Variants in LSG1 observed in about 807,000 individuals in gnomAD.
LSG1 encodes the protein large 60S subunit nuclear export GTPase 1.
Under a neutral mutation model 82.6 loss-of-function variants are expected in LSG1, and 55 were observed. The observed-to-expected ratio is 0.67, with a 90% confidence interval of 0.54 to 0.83. The LOEUF (loss-of-function observed/expected upper bound fraction) is 0.83. LSG1 is among the 40% of genes least tolerant of loss of function. The pLI, the probability that LSG1 is intolerant of heterozygous loss-of-function variation, is 0.00. For synonymous variants in LSG1, 272 were observed against 282.5 expected (o/e 0.96, Z 0.37); for missense variants, 809 against 807.9 (o/e 1.00, Z -0.02).
At chr3:194,658,719 T>A (rs943938672) in intron 7 of LSG1, among the ~76,000 whole-genome samples, 2 of 152,136 alleles carry the variant, frequency 1.3e-5, no homozygotes, top group African/African-American at 2.4e-5. Context: ...TTTAAAAAAA[T>A]TTAAAAATAC....
intron 5 of LSG1, among the ~76,000 whole-genome samples, chr3:194,661,567 C>A (rs547272130): frequency 2.0e-5 from 3 of 152,198 alleles, no homozygotes; most frequent in African/African-American, 7.2e-5. Flanking sequence ...AGTGCCTCTG[C>A]GGTTTCCTGC....
chr3:194,650,545 T>C (rs1718652252), intron 10 of LSG1, among the ~76,000 whole-genome samples: 1 of 152,216 alleles, frequency 6.6e-6, no homozygotes, highest in Non-Finnish European at 1.5e-5. Flanking sequence ...AACCGTGAGA[T>C]AGATTTTCCC....
intron 7 of LSG1, among the ~76,000 whole-genome samples, chr3:194,657,530 C>T (rs1347753003): frequency 2.7e-5 from 4 of 148,532 alleles, no homozygotes; most frequent in African/African-American, 7.4e-5. Context: ...GAGCAAACAG[C>T]TTCTGAAAGG....
In LSG1 at chr3:194,645,535, G is replaced by GACAGAC. The variant is rs1718513900; in HGVS notation, c.1623+628_1623+629insGTCTGT. On this transcript the variant is annotated intron_variant, in intron 12 of 13. Transcript: ENST00000265245. ...ACACACACACACACACACACAGACA[G>GACAGAC]ACACACACACACACACACACACACA... The GACAGAC allele has an allele frequency of 1.7e-4, 6 of 34,996 alleles. No homozygotes were observed. The East Asian group carries it at 4.5e-3, about 26-fold the overall frequency. 2.2% of individuals were successfully genotyped at this position (34,996 alleles called of 1,614,324 possible).
chr3:194,672,119 G>T lies in LSG1; in HGVS notation c.44C>A (p.Ala15Asp), dbSNP rs758557946. ...RAPAGGSLGR[A>D]LMRHQTQRSR... ...CCGCTGAGTCTGATGGCGCATAAGG[G>T]CCCGTCCCAGCGACCCACCGGCCGG... The change falls in exon 1 of 14, where the codon GCC (alanine) becomes GAC (aspartate). Residue 15 changes from alanine to aspartate, a missense_variant. Transcript: ENST00000265245. 12 of 1,607,974 alleles carry T rather than the reference G, an allele frequency of 7.5e-6. No individual in the cohort carries two copies. The highest frequency in any genetic ancestry group is 7.6e-6 in the Non-Finnish European group (9 of 1,179,938).
chr3:194,643,344 A>C (rs553327206), intron 13 of LSG1, among the ~76,000 whole-genome samples: 2 of 152,248 alleles, frequency 1.3e-5, no homozygotes, highest in African/African-American at 4.8e-5. Context: ...TAAATCATAA[A>C]TCTGATATGG....
At chr3:194,659,184 T>C in intron 6 of LSG1, 51 bp from the exon 7 acceptor site, 2 of 1,440,956 alleles carry the variant, frequency 1.4e-6, no homozygotes, top group Non-Finnish European at 9.6e-7. Context: ...AGTAAAAAAA[T>C]GAGGCTAATT....
intron 7 of LSG1, among the ~76,000 whole-genome samples, chr3:194,657,545 G>A (rs894063930): frequency 4.8e-4 from 72 of 151,470 alleles, no homozygotes; most frequent in African/African-American, 1.7e-3. Context: ...GAAAGGGGAT[G>A]AACTAACAGA....
chr3:194,645,054 T>C, intron 12 of LSG1: 1 of 207,634 alleles, frequency 4.8e-6, no homozygotes. Context: ...GTGAATATTT[T>C]CCAAAACAAA....
At position 194,652,899 on chromosome 3, in the gene LSG1, C is replaced by A. The variant is rs750936701; in HGVS notation, c.1003G>T (p.Asp335Tyr). 14 of 1,614,016 alleles carry A rather than the reference C, an allele frequency of 8.7e-6. 1 individual carries two copies. The highest frequency in any genetic ancestry group is 7.7e-5 in the South Asian group (7 of 91,084). ...TCTGCAGTAGAGCTTTCCTTCCAGT[C>A]CTGGCTGCAGTCCTCTTCCTTGGGA... ...DGPKEEDCSQ[D>Y]WKESSTADSE... Residue 335 changes from aspartate (D) to tyrosine (Y), a missense_variant, in exon 8 of 14, where the codon GAC becomes TAC. By Grantham distance (160) the Asp-to-Tyr change is radical. Coordinates refer to ENST00000265245, the MANE Select transcript of LSG1 (RefSeq NM_018385.3).
chr3:194,659,738 G>A (rs934576692), intron 6 of LSG1, among the ~76,000 whole-genome samples: 1 of 152,224 alleles, frequency 6.6e-6, no homozygotes, highest in African/African-American at 2.4e-5. Context: ...ATTAAAAAGT[G>A]AAGTGACCGG....
chr3:194,651,160 C>T lies in LSG1; in HGVS notation c.1230G>A (p.Lys410=), dbSNP rs1244209354. The T allele has an allele frequency of 6.2e-7, 1 of 1,614,194 alleles. No individual in the cohort carries two copies. Among genetic ancestry groups the T allele is most frequent in the South Asian group, 1.1e-5 (1 of 91,076 alleles). ...SSTINTIMGN[K]KVSVSATPGH... ...CAGGTGTGGCAGACACAGATACTTTCTTGTTGCCCATGATGGTGTTGATTG... is the reference window on the plus strand; with the variant it reads ...CAGGTGTGGCAGACACAGATACTTTTTTGTTGCCCATGATGGTGTTGATTG... The change falls in exon 9 of 14, where the codon AAG becomes AAA. Residue 410 remains lysine (K), a synonymous_variant. Coordinates refer to ENST00000265245, the MANE Select transcript of LSG1 (RefSeq NM_018385.3).
At position 194,652,733 on chromosome 3, in the gene LSG1, C is replaced by T. The variant is rs1400084729; in HGVS notation, c.1169G>A (p.Gly390Glu). ...TTATGACATATGTCATCTTACCAGT[C>T]CGACCGTAAGTTGCCCATCTTTCAC... The part of the protein sequence containing the change: ...RKVKDGQLTV[G>E]LVGYPNVGKS... The change falls in exon 8 of 14, where the codon GGA becomes GAA. Residue 390 changes from glycine (G) to glutamate (E), a missense_variant. By Grantham distance (98) the Gly-to-Glu change is moderately conservative. Transcript: ENST00000265245. 1 of 1,611,620 alleles carries T rather than the reference C, an allele frequency of 6.2e-7. No individual in the cohort carries two copies. Among genetic ancestry groups the T allele is most frequent in the Non-Finnish European group, 8.5e-7 (1 of 1,178,372 alleles).
chr3:194,647,019 A>C (rs924905856), intron 11 of LSG1, among the ~76,000 whole-genome samples: 4 of 152,254 alleles, frequency 2.6e-5, no homozygotes, highest in African/African-American at 7.2e-5. Flanking sequence ...CGGCTTCAGC[A>C]GACAGGCTGC....
intron 7 of LSG1, among the ~76,000 whole-genome samples, chr3:194,653,462 C>T (rs1388213456): frequency 6.6e-6 from 1 of 151,708 alleles, no homozygotes; most frequent in African/African-American, 2.4e-5. Context: ...GTGCAGTGAG[C>T]CGAGATGGTG....
At chr3:194,653,515 CAA>C (rs35726683) in intron 7 of LSG1, among the ~76,000 whole-genome samples, 5 of 113,146 alleles carry the variant, frequency 4.4e-5, no homozygotes, top group Admixed American at 2.7e-4. Context: ...CTCTGTCTCA[CAA>C]AAAAAAAAAA....
chr3:194,653,472 G>A (rs1439587679), intron 7 of LSG1, among the ~76,000 whole-genome samples: 1 of 151,074 alleles, frequency 6.6e-6, no homozygotes, highest in African/African-American at 2.4e-5. Context: ...CCGAGATGGT[G>A]CCACTGCACT....
chr3:194,660,218 C>T, intron 5 of LSG1, 85 bp from the exon 6 acceptor site: 2 of 1,031,404 alleles, frequency 1.9e-6, no homozygotes, highest in Non-Finnish European at 3.1e-6. Flanking sequence ...AGTAGCAAAC[C>T]CTGGCAATAT....
At chr3:194,657,896 T>C (rs1008310899) in intron 7 of LSG1, among the ~76,000 whole-genome samples, 1 of 152,136 alleles carries the variant, frequency 6.6e-6, no homozygotes, top group African/African-American at 2.4e-5. Flanking sequence ...TCGCTTAAAA[T>C]AGTCAAAGAG....
Sources: allele counts gnomAD v4.1 joint callset (sites outside exome capture counted in the v4.1 genomes callset), GRCh38; gene constraint gnomAD v4.1.1; transcripts MANE v1.5; gene names NCBI Gene and HGNC (gene_info 2026-07-23, HGNC 2026-07-21).